Variants in BCL7A observed in about 807,000 individuals in gnomAD.
The protein encoded by BCL7A is BAF chromatin remodeling complex subunit BCL7A.
BCL7A carries 11 observed loss-of-function variants against 28.4 expected under a neutral mutation model. The ratio of observed to expected loss-of-function variants is 0.39; its 90% CI spans 0.24 to 0.64. The LOEUF is 0.64. Ranked by LOEUF, BCL7A falls within the 30% of genes least tolerant of loss-of-function variation. BCL7A has a pLI of 0.50. For synonymous variants in BCL7A, 123 were observed against 103.3 expected, an observed-to-expected ratio of 1.19 and a Z score of -1.15; for missense variants, 222 against 274.8, an observed-to-expected ratio of 0.81 and a Z score of 1.36.
intron 2 of BCL7A, among the ~76,000 whole-genome samples, chr12:122,032,870 C>A (rs898771412): frequency 6.6e-6 from 1 of 152,146 alleles, no homozygotes; most frequent in African/African-American, 2.4e-5. Flanking sequence ...CCCTCTAGGG[C>A]GATGGTTCTC....
chr12:122,058,968 G>A, intron 5 of BCL7A, 124 bp from the exon 6 acceptor site: 1 of 745,648 alleles, frequency 1.3e-6, no homozygotes, highest in East Asian at 2.5e-5. Context: ...GTCTGGAACT[G>A]CTGGTCTGAA....
chr12:122,031,905 C>G (rs1343890013), intron 2 of BCL7A, among the ~76,000 whole-genome samples: 5 of 152,324 alleles, frequency 3.3e-5, no homozygotes, highest in Admixed American at 3.3e-4. Context: ...ATTTCCATCC[C>G]AAATCAAGAA....
chr12:122,060,816 T>C lies in BCL7A; in HGVS notation c.*1653T>C. 2 of 229,314 alleles carry C rather than the reference T, an allele frequency of 8.7e-6. No individual in the cohort carries two copies. Among genetic ancestry groups the C allele is most frequent in the Non-Finnish European group, 1.7e-5 (2 of 115,546 alleles). The allele number at this position is 229,314 out of a possible 1,614,324, so 14.2% of individuals were successfully genotyped here. Reference sequence around the variant, plus strand: ...ATTTTTTTTTTTAAGGGATCCTGTCTATTTCCTGCACTTCGAGAAGAATCA... The same window carrying C: ...ATTTTTTTTTTTAAGGGATCCTGTCCATTTCCTGCACTTCGAGAAGAATCA... On this transcript the variant is annotated 3_prime_UTR_variant, in exon 6 of 6. Transcript: ENST00000261822.
rs1883703422 is a variant in BCL7A, at chr12:122,029,814, A to G, written c.93-886A>G. 6.6e-6 allele frequency among the ~76,000 whole-genome samples: 1 copy of G among 152,108 alleles called. No homozygotes were observed. The highest frequency in any genetic ancestry group is 6.6e-5 in the Admixed American group (1 of 15,264). On this transcript the variant is annotated intron_variant, in intron 1 of 5. Coordinates refer to ENST00000261822, the MANE Select transcript of BCL7A (RefSeq NM_001024808.3). This position sits in a 1 kb window ranked among gnomAD's most constrained non-coding sequence, Gnocchi z 4.3. ...GGCGGTAAGGGACAAGTCGGAGTGC[A>G]GGGGGTCAAGGACAGGAGGTGGCTG...
intron 4 of BCL7A, among the ~76,000 whole-genome samples, chr12:122,048,397 A>ATTGGAGGGGCCTCCAGGAATGCTTC (rs1884120266): frequency 6.6e-6 from 1 of 151,870 alleles, no homozygotes; most frequent in African/African-American, 2.4e-5. Context: ...TTAAAAAGGG[A>ATTGGAGGGGCCTCCAGGAATGCTTC]TTGGAGGGGC....
At chr12:122,038,754 G>A (rs940283369) in intron 3 of BCL7A, among the ~76,000 whole-genome samples, 2 of 152,310 alleles carry the variant, frequency 1.3e-5, no homozygotes, top group South Asian at 4.1e-4. Context: ...TCCCCTGGCT[G>A]TGTGATCTTG....
intron 2 of BCL7A, 49 bp from the exon 3 acceptor site, chr12:122,035,282 G>A (rs368432108): frequency 4.6e-6 from 7 of 1,526,638 alleles, no homozygotes; most frequent in Middle Eastern, 1.7e-4. Context: ...GCACGTGTGC[G>A]CACACACATG....
At chr12:122,045,531 G>A (rs942688434) in intron 4 of BCL7A, among the ~76,000 whole-genome samples, 1 of 152,116 alleles carries the variant, frequency 6.6e-6, no homozygotes, top group South Asian at 2.1e-4. Flanking sequence ...GAAGGATTAA[G>A]AACAGATGAT....
intron 3 of BCL7A, among the ~76,000 whole-genome samples, chr12:122,043,228 T>C (rs1024738591): frequency 6.6e-6 from 1 of 152,016 alleles, no homozygotes; most frequent in African/African-American, 2.4e-5. Context: ...AGACGTCTGG[T>C]TTCTACACCC....
chr12:122,047,295 G>A (rs1461596328), intron 4 of BCL7A, among the ~76,000 whole-genome samples: 1 of 151,360 alleles, frequency 6.6e-6, no homozygotes, highest in East Asian at 2.0e-4. Context: ...AGGCTGAGGC[G>A]GGCGGATCAC....
At chr12:122,026,203 C>T (rs1883626244) in intron 1 of BCL7A, among the ~76,000 whole-genome samples, 2 of 147,662 alleles carry the variant, frequency 1.4e-5, no homozygotes, top group South Asian at 4.2e-4. Flanking sequence ...CGAGGCAGAG[C>T]TTGCAGTGAG....
chr12:122,036,737 C>T (rs1025476619), intron 3 of BCL7A, among the ~76,000 whole-genome samples: 2 of 151,252 alleles, frequency 1.3e-5, no homozygotes, highest in East Asian at 1.9e-4. Context: ...GGCAGAGTCT[C>T]GCTCCTGTCA....
At chr12:122,049,998 G>A (rs554261207) in intron 4 of BCL7A, among the ~76,000 whole-genome samples, 10 of 152,028 alleles carry the variant, frequency 6.6e-5, no homozygotes, top group Non-Finnish European at 1.3e-4. Context: ...TTTCTGAGAC[G>A]GAGTCTCGCT....
intron 2 of BCL7A, among the ~76,000 whole-genome samples, chr12:122,033,140 CT>C (rs36082754): frequency 2.5e-3 from 348 of 141,312 alleles, no homozygotes; most frequent in South Asian, 5.4e-3. Context: ...ATAGAAGTCA[CT>C]TTTTTTTTTT....
intron 2 of BCL7A, among the ~76,000 whole-genome samples, chr12:122,032,881 G>A (rs983468467): frequency 2.6e-5 from 4 of 152,076 alleles, no homozygotes; most frequent in African/African-American, 9.7e-5. Flanking sequence ...GATGGTTCTC[G>A]GCCTGGCTGA....
rs903984043 is a variant in BCL7A at position 122,047,123 on chromosome 12, C to T, written c.439+3070C>T. On this transcript the variant is annotated intron_variant, in intron 4 of 5. Coordinates refer to ENST00000261822, the MANE Select transcript of BCL7A (RefSeq NM_001024808.3). ...TTCACCATGTTGGCCAGGCTGTTCT[C>T]AATCTCCTGACCTCGGGATCCACCC... Among the ~76,000 whole-genome samples the T allele has an allele frequency of 2.6e-5, 4 of 151,474 alleles. No individual in the cohort carries two copies. The South Asian group carries it at 6.3e-4, about 24-fold the overall frequency.
At chr12:122,052,833 A>G (rs1277307186) in intron 4 of BCL7A, among the ~76,000 whole-genome samples, 4 of 105,266 alleles carry the variant, frequency 3.8e-5, no homozygotes, top group Non-Finnish European at 7.3e-5. Context: ...CAGGCGCGCG[A>G]CACCACGCCT....
intron 4 of BCL7A, among the ~76,000 whole-genome samples, chr12:122,051,889 T>TG (rs1884199007): frequency 7.0e-6 from 1 of 143,620 alleles, no homozygotes; most frequent in Non-Finnish European, 1.5e-5. Context: ...TTTTTTTTTT[T>TG]TTGAGACAAA....
chr12:122,024,305 G>A (rs1450659147), intron 1 of BCL7A, among the ~76,000 whole-genome samples: 1 of 152,210 alleles, frequency 6.6e-6, no homozygotes, highest in Non-Finnish European at 1.5e-5. Context: ...ATGGTGACCC[G>A]GGGTTTTGTG....
Sources: gnomAD v4.1 joint callset for allele counts (sites outside exome capture counted in the v4.1 genomes callset) on GRCh38, gnomAD v4.1.1 for gene constraint, Gnocchi (gnomAD v3.1) non-coding constraint, MANE v1.5 for transcripts, NCBI Gene and HGNC (gene_info 2026-07-23, HGNC 2026-07-21) for gene names.